GYS2: variants seen among roughly 807,000 people sequenced by gnomAD.
The protein encoded by GYS2 is glycogen synthase 2, also known as glycogen [starch] synthase, liver.
GYS2 carries 80 observed loss-of-function variants against 85.6 expected under a neutral mutation model. That is an observed-to-expected ratio of 0.93 (90% CI 0.78 to 1.13). The LOEUF is 1.13. Among genes scored for constraint, GYS2 ranks in the 50% most tolerant of loss-of-function variants. The pLI, the probability that GYS2 is intolerant of heterozygous loss-of-function variation, is 0.00. For missense variants in GYS2, 881 were observed against 854.9 expected (o/e 1.03, Z -0.38); for synonymous variants, 328 against 300.7 (o/e 1.09, Z -0.94).
intron 1 of GYS2, among the ~76,000 whole-genome samples, chr12:21,592,016 G>C (rs1436940505): frequency 6.6e-6 from 1 of 151,944 alleles, no homozygotes; most frequent in East Asian, 1.9e-4. Flanking sequence ...AAAGTGACAG[G>C]ACACTGCCAT....
At chr12:21,572,488 G>T (rs1181194666) in intron 4 of GYS2, among the ~76,000 whole-genome samples, 1 of 152,086 alleles carries the variant, frequency 6.6e-6, no homozygotes, top group Non-Finnish European at 1.5e-5. Context: ...TCTAAATTTA[G>T]TGTGAGCATG....
intron 7 of GYS2, among the ~76,000 whole-genome samples, chr12:21,561,240 C>G (rs1473424): frequency 0.72 from 110,226 of 152,134 alleles, 40,484 homozygotes; most frequent in South Asian, 0.8. Flanking sequence ...AGTGCCAAAG[C>G]TGACATTTAA....
At chr12:21,537,364 A>G in intron 15 of GYS2, 189 bp from the exon 16 acceptor site, 1 of 616,544 alleles carries the variant, frequency 1.6e-6, no homozygotes, top group East Asian at 2.8e-5. Context: ...ATATATAGCT[A>G]TTCTTTATTA....
At chr12:21,603,624 C>CA (rs1944777376) in intron 1 of GYS2, among the ~76,000 whole-genome samples, 1 of 152,096 alleles carries the variant, frequency 6.6e-6, no homozygotes, top group Non-Finnish European at 1.5e-5. Context: ...CACAAGTCAT[C>CA]ACTGCCATTT....
chr12:21,599,783 CTCAT>C (rs1475624366), intron 1 of GYS2, among the ~76,000 whole-genome samples: 4 of 152,114 alleles, frequency 2.6e-5, no homozygotes, highest in Non-Finnish European at 4.4e-5. Context: ...CAATTATGGA[CTCAT>C]TCAAAGTGAA....
chr12:21,603,877 G>A (rs1944779596), intron 1 of GYS2, among the ~76,000 whole-genome samples: 1 of 152,030 alleles, frequency 6.6e-6, no homozygotes, highest in Non-Finnish European at 1.5e-5. Context: ...CTCGCAAATT[G>A]TTTTATCAAT....
chr12:21,572,216 G>A (rs1944395167), intron 4 of GYS2, among the ~76,000 whole-genome samples: 1 of 152,130 alleles, frequency 6.6e-6, no homozygotes, highest in African/African-American at 2.4e-5. Context: ...CAGCGTTAGA[G>A]TTTTTGTAAT....
In GYS2 at chr12:21,559,074, GC is replaced by G. The variant is rs781088798; in HGVS notation, c.1308+16del. 7 of 1,431,106 alleles carry G rather than the reference GC, an allele frequency of 4.9e-6. No individual in the cohort carries two copies. The African/African-American group carries it at 7.0e-5, about 14-fold the overall frequency. The allele number at this position is 1,431,106 out of a possible 1,614,324, so 88.7% of individuals were successfully genotyped here. A position where few individuals can be genotyped will look rare whatever the true frequency, so the allele number is the denominator to read the frequency against. ...TTAATAACTATGGGACATAGTGGGT[GC>G]TTTTTTCCTTATTACCTGAGTTGAA... On this transcript the variant is annotated intron_variant, in intron 10 of 15. Transcript: ENST00000261195.
At position 21,539,247 on chromosome 12, in the gene GYS2, T is replaced by A; in HGVS notation, c.1890+11A>T. On this transcript the variant is annotated intron_variant, in intron 15 of 15. Coordinates refer to ENST00000261195, the MANE Select transcript of GYS2 (RefSeq NM_021957.4). ...ATATAGCTTTCAAAAAAAAATACAT[T>A]GAATATTTACCGTTGGTGGTGATGT... 1.4e-6 allele frequency: 2 copies of A among 1,460,598 alleles called. No individual in the cohort carries two copies. Among genetic ancestry groups the A allele is most frequent in the Non-Finnish European group, 1.9e-6 (2 of 1,041,490 alleles). 90.5% of individuals were successfully genotyped at this position (1,460,598 alleles called of 1,614,324 possible).
At chr12:21,550,351 A>G (rs182042358) in intron 11 of GYS2, among the ~76,000 whole-genome samples, 2 of 103,082 alleles carry the variant, frequency 1.9e-5, no homozygotes, top group African/African-American at 3.4e-5. Context: ...ACACACACAC[A>G]CCCCTGGTTT....
rs535980380 is a variant in GYS2 at position 21,563,094 on chromosome 12, T to C, written c.942-56A>G. On this transcript the variant is annotated intron_variant, in intron 6 of 15. Coordinates refer to ENST00000261195, the MANE Select transcript of GYS2 (RefSeq NM_021957.4). ...ATGAAATACAGCAACAGTAACAAAA[T>C]GTACACATGAATTCTGTTAATGTAC... 61 of 1,354,658 alleles carry C rather than the reference T, an allele frequency of 4.5e-5. No individual in the cohort carries two copies. In the East Asian group the frequency reaches 1.2e-3, roughly 26 times the overall value. 83.9% of individuals were successfully genotyped at this position (1,354,658 alleles called of 1,614,324 possible). A position where few individuals can be genotyped will look rare whatever the true frequency, so the allele number is the denominator to read the frequency against.
At chr12:21,559,752 A>G in intron 8 of GYS2, 42 bp from the exon 9 acceptor site, 1 of 1,187,472 alleles carries the variant, frequency 8.4e-7, no homozygotes, top group South Asian at 1.2e-5. Context: ...CAGTATGACA[A>G]TGTTTAATCT....
chr12:21,598,655 A>G (rs1591814104), intron 1 of GYS2, among the ~76,000 whole-genome samples: 3 of 152,214 alleles, frequency 2.0e-5, no homozygotes, highest in Admixed American at 2.0e-4. Flanking sequence ...CTATTTTCAT[A>G]TTTGAGGTAT....
intron 1 of GYS2, among the ~76,000 whole-genome samples, chr12:21,596,007 C>T (rs1366927727): frequency 3.3e-5 from 5 of 152,068 alleles, no homozygotes; most frequent in Admixed American, 6.5e-5. Context: ...TATTCAACAG[C>T]GCGTGGAAAT....
chr12:21,580,469 C>A lies in GYS2; in HGVS notation c.176G>T (p.Trp59Leu). 2 of 1,613,512 alleles carry A rather than the reference C, an allele frequency of 1.2e-6. No individual in the cohort carries two copies. Among genetic ancestry groups the A allele is most frequent in the Non-Finnish European group, 1.7e-6 (2 of 1,179,544 alleles). ...ACCTATCAGAAAATAGTTCTCTCCC[C>A]ATTCATCTGCTGTTGTTTTGGCCTT... Reference protein sequence around the residue: ...QTKAKTTADEWGENYFLIGPY... With the variant: ...QTKAKTTADELGENYFLIGPY... Residue 59 changes from tryptophan (W) to leucine (L), a missense_variant, in exon 2 of 16, where the codon TGG becomes TTG. Transcript: ENST00000261195.
chr12:21,546,128 A>C lies in GYS2; in HGVS notation c.1549+216T>G, dbSNP rs539990461. On this transcript the variant is annotated intron_variant, in intron 12 of 15. Coordinates refer to ENST00000261195, the MANE Select transcript of GYS2 (RefSeq NM_021957.4). ...CACATACCTCCTAAAATATGCCCAA[A>C]CCGTGGTATACTTATATAATCTTCA... 1.0e-3 allele frequency among the ~76,000 whole-genome samples: 155 copies of C among 152,266 alleles called. 2 individuals carry two copies. The highest frequency in any genetic ancestry group is 3.6e-3 in the African/African-American group (150 of 41,556).
intron 11 of GYS2, among the ~76,000 whole-genome samples, chr12:21,550,700 G>A (rs145561371): frequency 0.021 from 3,134 of 152,292 alleles, 64 homozygotes; most frequent in Non-Finnish European, 0.029. Flanking sequence ...CAGCACTTTG[G>A]GAGGCTGAGG....
intron 1 of GYS2, among the ~76,000 whole-genome samples, chr12:21,581,648 T>C (rs1565608133): frequency 6.6e-6 from 1 of 152,182 alleles, no homozygotes; most frequent in African/African-American, 2.4e-5. Context: ...GCTACCTCTA[T>C]TAAAACACAA....
chr12:21,565,960 G>A (rs1944315836), intron 5 of GYS2, among the ~76,000 whole-genome samples: 1 of 152,056 alleles, frequency 6.6e-6, no homozygotes, highest in African/African-American at 2.4e-5. Flanking sequence ...TATATTAAAG[G>A]GAAAATGACA....
Sources: gnomAD v4.1 joint callset for allele counts (sites outside exome capture counted in the v4.1 genomes callset) on GRCh38, gnomAD v4.1.1 for gene constraint, MANE v1.5 for transcripts, NCBI Gene and HGNC (gene_info 2026-07-23, HGNC 2026-07-21) for gene names.